The following NRDC variants were observed in gnomAD, a reference collection of about 807,000 sequenced individuals.
NRDC encodes nardilysin convertase, also known as nardilysin.
In NRDC, 54 loss-of-function variants were observed where a neutral mutation model predicts 147.1. The ratio of observed to expected loss-of-function variants is 0.37; its 90% CI spans 0.29 to 0.46. The LOEUF is 0.46. Among genes scored for constraint, NRDC ranks in the 20% least tolerant of loss-of-function variants. The pLI, the probability that NRDC is intolerant of heterozygous loss-of-function variation, is 1.00. For missense variants in NRDC, 1,082 were observed against 1,370.6 expected, an observed-to-expected ratio of 0.79 and a Z score of 3.33; for synonymous variants, 440 against 482.1, an observed-to-expected ratio of 0.91 and a Z score of 1.14.
intron 1 of NRDC, among the ~76,000 whole-genome samples, chr1:51,846,718 G>A (rs187052258): frequency 6.6e-5 from 10 of 152,242 alleles, no homozygotes; most frequent in Non-Finnish European, 1.3e-4. Context: ...CGCCAACAGC[G>A]ATGGAACTCG....
At position 51,792,427 on chromosome 1, in the gene NRDC, G is replaced by A. The variant is rs767636676; in HGVS notation, c.2776-3C>T. ...TCTCTTAGACTCCTGGTACCTGACT[G>A]AAAAGAGAAGGTTGTCAGGCCAACT... On this transcript the variant is annotated splice_region_variant and splice_polypyrimidine_tract_variant and intron_variant, in intron 24 of 30. Coordinates refer to ENST00000352171, the MANE Select transcript of NRDC (RefSeq NM_001101662.2). The A allele has an allele frequency of 6.2e-7, 1 of 1,613,912 alleles. No individual in the cohort carries two copies. Among genetic ancestry groups the A allele is most frequent in the Non-Finnish European group, 8.5e-7 (1 of 1,179,788 alleles).
intron 1 of NRDC, among the ~76,000 whole-genome samples, chr1:51,873,330 T>G (rs1683169610): frequency 6.6e-6 from 1 of 152,152 alleles, no homozygotes; most frequent in African/African-American, 2.4e-5. Context: ...CCAACAAATG[T>G]TAGTGTTCTC....
intron 1 of NRDC, among the ~76,000 whole-genome samples, chr1:51,870,858 A>C (rs1683051616): frequency 6.6e-6 from 1 of 152,040 alleles, no homozygotes; most frequent in South Asian, 2.1e-4. Flanking sequence ...TACTGTCTGT[A>C]TCTTCAACTT....
chr1:51,858,588 A>G (rs1405760715), intron 1 of NRDC, among the ~76,000 whole-genome samples: 2 of 152,238 alleles, frequency 1.3e-5, no homozygotes, highest in South Asian at 4.1e-4. Flanking sequence ...AAATAACGAT[A>G]TCCTGGATAA....
intron 22 of NRDC, chr1:51,795,756 T>G (rs1407682683): frequency 6.5e-6 from 1 of 152,786 alleles, no homozygotes; most frequent in African/African-American, 2.4e-5. Flanking sequence ...GCTCCCACTC[T>G]TACTACTGTT....
intron 1 of NRDC, among the ~76,000 whole-genome samples, chr1:51,856,417 C>T (rs1682244630): frequency 6.6e-6 from 1 of 152,196 alleles, no homozygotes; most frequent in South Asian, 2.1e-4. Flanking sequence ...GTTTCAAGTC[C>T]AGACCTCTGG....
intron 8 of NRDC, among the ~76,000 whole-genome samples, chr1:51,820,304 G>A (rs1484389401): frequency 1.3e-5 from 2 of 152,130 alleles, no homozygotes; most frequent in Non-Finnish European, 2.9e-5. Context: ...AAAAGACTTG[G>A]TCCCTCCTAG....
chr1:51,863,014 A>AG (rs1001449955), intron 1 of NRDC, among the ~76,000 whole-genome samples: 1 of 7,554 alleles, frequency 1.3e-4, no homozygotes, highest in Non-Finnish European at 3.5e-4. Flanking sequence ...TGTGTGGAGG[A>AG]AAAAAAAAAA....
chr1:51,824,368 C>T (rs1680350798), intron 6 of NRDC, among the ~76,000 whole-genome samples: 1 of 152,148 alleles, frequency 6.6e-6, no homozygotes, highest in African/African-American at 2.4e-5. Flanking sequence ...TCATGATCCA[C>T]CCGCCTCGGC....
chr1:51,873,663 A>G (rs186373680), intron 1 of NRDC, among the ~76,000 whole-genome samples: 170 of 151,864 alleles, frequency 1.1e-3, no homozygotes, highest in Middle Eastern at 6.8e-3. Flanking sequence ...AGCACCTGCC[A>G]CTACAACTGG....
intron 1 of NRDC, among the ~76,000 whole-genome samples, chr1:51,865,366 G>A (rs72663155): frequency 0.2 from 29,886 of 151,216 alleles, 3,962 homozygotes; most frequent in Non-Finnish European, 0.28. Flanking sequence ...GTGCAATGGC[G>A]TGATCATGGC....
intron 1 of NRDC, among the ~76,000 whole-genome samples, chr1:51,847,547 G>A (rs958885054): frequency 3.3e-5 from 5 of 152,234 alleles, no homozygotes; most frequent in Admixed American, 1.3e-4. Context: ...AAGGCCCGGC[G>A]AGAAATCGAG....
At chr1:51,801,544 C>T (rs1055139737) in intron 20 of NRDC, among the ~76,000 whole-genome samples, 1 of 152,172 alleles carries the variant, frequency 6.6e-6, no homozygotes, top group Middle Eastern at 3.4e-3. Flanking sequence ...CATATCACAC[C>T]TAATTTTTTT....
At chr1:51,807,007 T>G in intron 17 of NRDC, 94 bp from the exon 18 acceptor site, 1 of 1,476,668 alleles carries the variant, frequency 6.8e-7, no homozygotes, top group Non-Finnish European at 9.0e-7. Context: ...AACTTTTCTC[T>G]GTGGCAAAAA....
chr1:51,792,247 G>C, intron 25 of NRDC, 130 bp downstream of exon 25: 2 of 1,325,100 alleles, frequency 1.5e-6, no homozygotes, highest in Non-Finnish European at 2.2e-6. Flanking sequence ...GGTGAGAACA[G>C]TAAATGACCA....
chr1:51,794,121 CTTAA>C (rs1678777039), intron 24 of NRDC: 1 of 205,668 alleles, frequency 4.9e-6, no homozygotes, highest in East Asian at 1.0e-4. Flanking sequence ...TTTGCTGTGT[CTTAA>C]TTGTTTGGCT....
chr1:51,856,506 CA>C (rs1446154789), intron 1 of NRDC, among the ~76,000 whole-genome samples: 1 of 152,120 alleles, frequency 6.6e-6, no homozygotes, highest in Non-Finnish European at 1.5e-5. Context: ...GGAGGGCTCA[CA>C]GAACTTTGGG....
At chr1:51,793,152 A>G (rs1056634495) in intron 24 of NRDC, among the ~76,000 whole-genome samples, 12 of 152,338 alleles carry the variant, frequency 7.9e-5, no homozygotes, top group Non-Finnish European at 1.6e-4. Flanking sequence ...AACAAAACCA[A>G]TGCTCTCTGA....
At chr1:51,805,443 G>A in intron 19 of NRDC, 67 bp downstream of exon 19, 1 of 1,213,644 alleles carries the variant, frequency 8.2e-7, no homozygotes. Context: ...GAATGATTTA[G>A]AATGAAACAA....
Sources: allele counts gnomAD v4.1 joint callset (sites outside exome capture counted in the v4.1 genomes callset), GRCh38; gene constraint gnomAD v4.1.1; transcripts MANE v1.5; gene names NCBI Gene and HGNC (gene_info 2026-07-23, HGNC 2026-07-21).